Variants in ZNF536 observed in about 807,000 individuals in gnomAD.
The protein encoded by ZNF536 is zinc finger protein 536.
Under a neutral mutation model 84.5 loss-of-function variants are expected in ZNF536, and 13 were observed. The ratio of observed to expected loss-of-function variants is 0.15; its 90% CI spans 0.10 to 0.24. The LOEUF (loss-of-function observed/expected upper bound fraction) is 0.24, where lower values mean the gene tolerates loss of function less well. Among genes scored for constraint, ZNF536 ranks in the 10% least tolerant of loss-of-function variants. ZNF536 has a pLI of 1.00. For missense variants in ZNF536, 1,536 were observed against 1,747.5 expected, an observed-to-expected ratio of 0.88 and a Z score of 2.16; for synonymous variants, 811 against 742.5, an observed-to-expected ratio of 1.09 and a Z score of -1.50.
chr19:30,257,767 C>T (rs746038303), intron 1 of ZNF536, among the ~76,000 whole-genome samples: 3 of 152,258 alleles, frequency 2.0e-5, no homozygotes, highest in Non-Finnish European at 2.9e-5. Context: ...AGCGTACCTT[C>T]AGCAAGCTGA....
intron 1 of ZNF536, among the ~76,000 whole-genome samples, chr19:30,704,500 AC>A (rs1287440424): frequency 6.6e-6 from 1 of 151,498 alleles, no homozygotes; most frequent in Non-Finnish European, 1.5e-5. Flanking sequence ...TACAAAAATT[AC>A]CCGGGCATGG....
At position 30,248,459 on chromosome 19, in the gene ZNF536, G is replaced by A. The variant is rs530058193; in HGVS notation, c.-190+19786G>A. Among the ~76,000 whole-genome samples, 522 of 148,246 alleles carry A rather than the reference G, an allele frequency of 3.5e-3. 4 individuals are homozygous for A. Among genetic ancestry groups the A allele is most frequent in the African/African-American group, 0.013 (509 of 39,920 alleles). ...GAGTTTCACTGTGTTGGCCAGGCTC[G>A]TCTCGCACTTCTGGCCTCAAGTAAT... On this transcript the variant is annotated intron_variant, in intron 1 of 5. Coordinates refer to the ZNF536 transcript ENST00000585628.
At chr19:30,636,100 C>T (rs2049055624) in intron 1 of ZNF536, among the ~76,000 whole-genome samples, 1 of 152,220 alleles carries the variant, frequency 6.6e-6, no homozygotes, top group Admixed American at 6.5e-5. Context: ...GCTTTGGAAT[C>T]TTGCTTGGTG....
At chr19:30,606,659 A>G (rs2047902274) in intron 1 of ZNF536, among the ~76,000 whole-genome samples, 1 of 152,182 alleles carries the variant, frequency 6.6e-6, no homozygotes, top group Non-Finnish European at 1.5e-5. Flanking sequence ...TGTGAAGGAA[A>G]CAGAGAAGAA....
intron 3 of ZNF536, among the ~76,000 whole-genome samples, chr19:30,356,035 C>T (rs1178537513): frequency 6.6e-6 from 1 of 152,204 alleles, no homozygotes; most frequent in African/African-American, 2.4e-5. Flanking sequence ...CCCAGAGTGC[C>T]ACTCTTAAGC....
At chr19:30,701,873 C>A (rs575201218) in intron 1 of ZNF536, among the ~76,000 whole-genome samples, 2 of 152,324 alleles carry the variant, frequency 1.3e-5, no homozygotes, top group African/African-American at 4.8e-5. Context: ...GTCATGAGGA[C>A]CAACTGAGGC....
At chr19:30,326,917 G>A (rs948487793) in intron 2 of ZNF536, among the ~76,000 whole-genome samples, 1 of 147,638 alleles carries the variant, frequency 6.8e-6, no homozygotes, top group African/African-American at 2.5e-5. Flanking sequence ...AGACCAGTCT[G>A]GGCAACATAG....
chr19:30,300,041 C>T lies in ZNF536; in HGVS notation c.-120+15900C>T, dbSNP rs80332786. Among the ~76,000 whole-genome samples, 476 of 152,222 alleles carry T rather than the reference C, an allele frequency of 3.1e-3. 1 individual carries two copies. The highest frequency in any genetic ancestry group is 0.011 in the African/African-American group (451 of 41,522). ...CACTACTTTTCAGACGAGGCAAAACCTTTCGGCACCAAATATTGGAAATGG... is the reference window on the plus strand; with the variant it reads ...CACTACTTTTCAGACGAGGCAAAACTTTTCGGCACCAAATATTGGAAATGG... On this transcript the variant is annotated intron_variant, in intron 2 of 5. Transcript: ENST00000585628.
At chr19:30,425,653 C>T (rs955115280) in intron 1 of ZNF536, among the ~76,000 whole-genome samples, 2 of 152,152 alleles carry the variant, frequency 1.3e-5, no homozygotes, top group Admixed American at 1.3e-4. Context: ...TCTGAACCAT[C>T]CTTGTAGCTC....
In ZNF536 at chr19:30,582,375, CTTTTTTTT is replaced by C. The variant is rs35509271; in HGVS notation, c.169+32878_169+32885del. On this transcript the variant is annotated intron_variant, in intron 1 of 1. Coordinates refer to the ZNF536 transcript ENST00000592773. ...GTCCTGGCTTCTCTTCCTAGTTTCT[CTTTTTTTT>C]TTTTTTTTTTTTTTTTCAGACAGGG... is the stretch of plus-strand genomic sequence containing the variant. Among the ~76,000 whole-genome samples the C allele has an allele frequency of 8.6e-4, 77 of 89,168 alleles. No individual in the cohort carries two copies. The Admixed American group carries it at 8.6e-3, about 10-fold the overall frequency. 58.5% of individuals were successfully genotyped at this position (89,168 alleles called of 152,430 possible).
intron 1 of ZNF536, among the ~76,000 whole-genome samples, chr19:30,235,547 A>G (rs758175082): frequency 6.6e-6 from 1 of 152,222 alleles, no homozygotes; most frequent in Non-Finnish European, 1.5e-5. Flanking sequence ...GCCCACATAG[A>G]TATTACATAT....
intron 1 of ZNF536, among the ~76,000 whole-genome samples, chr19:30,678,183 G>A (rs148182308): frequency 3.3e-5 from 5 of 152,338 alleles, no homozygotes; most frequent in Non-Finnish European, 7.4e-5. Flanking sequence ...TTCAGGGACC[G>A]GAGAAGCCTC....
intron 1 of ZNF536, among the ~76,000 whole-genome samples, chr19:30,582,413 A>T (rs2046954400): frequency 7.7e-6 from 1 of 129,888 alleles, no homozygotes; most frequent in Non-Finnish European, 1.6e-5. Flanking sequence ...ACAGGGTCTA[A>T]TTCTCTCACC....
At position 30,253,465 on chromosome 19, in the gene ZNF536, G is replaced by A. The variant is rs1331967556; in HGVS notation, c.-190+24792G>A. 6.6e-5 allele frequency among the ~76,000 whole-genome samples: 10 copies of A among 152,310 alleles called. No individual in the cohort carries two copies. In the South Asian group the frequency reaches 1.0e-3, roughly 16 times the overall value. On this transcript the variant is annotated intron_variant, in intron 1 of 5. Transcript: ENST00000585628. ...CAGTATTTCGGGGCCAGAGACACGC[G>A]TTCTGTCATCAGGGCTGTGTTGAGA...
At chr19:30,533,462 A>G (rs75724162) in intron 2 of ZNF536, among the ~76,000 whole-genome samples, 2,371 of 152,110 alleles carry the variant, frequency 0.016, 70 homozygotes, top group African/African-American at 0.054. Context: ...TGAAGTTGCA[A>G]CAAGCTGTGA....
At chr19:30,621,716 C>T (rs778379332) in intron 1 of ZNF536, among the ~76,000 whole-genome samples, 2 of 152,086 alleles carry the variant, frequency 1.3e-5, no homozygotes, top group South Asian at 2.1e-4. Flanking sequence ...AGCCGGTGTC[C>T]CACAGGCTGG....
intron 1 of ZNF536, among the ~76,000 whole-genome samples, chr19:30,399,621 G>A (rs565401160): frequency 4.5e-4 from 67 of 148,786 alleles, no homozygotes; most frequent in African/African-American, 1.5e-3. Context: ...TCCAGTTTCA[G>A]TTTTCTGCAT....
intron 1 of ZNF536, among the ~76,000 whole-genome samples, chr19:30,673,535 G>A (rs1467347360): frequency 2.6e-5 from 4 of 152,226 alleles, no homozygotes; most frequent in Middle Eastern, 3.4e-3. Context: ...TACATCGCCC[G>A]CACAGCACCA....
chr19:30,413,820 G>C (rs536038045), intron 1 of ZNF536, among the ~76,000 whole-genome samples: 2 of 152,014 alleles, frequency 1.3e-5, no homozygotes, highest in African/African-American at 2.4e-5. Flanking sequence ...GGCTGGGCAC[G>C]GTGGTTCACG....
Sources: allele counts gnomAD v4.1 joint callset (sites outside exome capture counted in the v4.1 genomes callset), GRCh38; gene constraint gnomAD v4.1.1; transcripts MANE v1.5; gene names NCBI Gene and HGNC (gene_info 2026-07-23, HGNC 2026-07-21).